Variants in TGFA observed in about 807,000 individuals in gnomAD.
TGFA encodes protransforming growth factor alpha.
A neutral mutation model predicts 21.7 loss-of-function variants in TGFA; 12 were observed. That is an observed-to-expected ratio of 0.55 (90% CI 0.35 to 0.90). The LOEUF (loss-of-function observed/expected upper bound fraction) is 0.90, where lower values mean the gene tolerates loss of function less well. TGFA is among the 40% of genes least tolerant of loss of function. The pLI, the probability that TGFA is intolerant of heterozygous loss-of-function variation, is 0.01. For missense variants in TGFA, 178 were observed against 210.8 expected (o/e 0.84, Z 0.96); for synonymous variants, 79 against 88.1 (o/e 0.90, Z 0.58).
chr2:70,514,203 A>G (rs893235697), intron 2 of TGFA, among the ~76,000 whole-genome samples: 1 of 152,152 alleles, frequency 6.6e-6, no homozygotes, highest in African/African-American at 2.4e-5. Context: ...CACAGCCCCA[A>G]CATTTGAGCT....
chr2:70,512,699 G>T (rs1331283354), intron 2 of TGFA, among the ~76,000 whole-genome samples: 3 of 152,214 alleles, frequency 2.0e-5, no homozygotes, highest in African/African-American at 7.2e-5. Flanking sequence ...AACCCCAAAA[G>T]GCCTAGGCAG....
intron 2 of TGFA, among the ~76,000 whole-genome samples, chr2:70,488,640 G>A (rs181109027): frequency 2.0e-5 from 3 of 151,970 alleles, no homozygotes; most frequent in African/African-American, 7.2e-5. Context: ...TCATTTTTTT[G>A]AAAACACTTT....
intron 2 of TGFA, among the ~76,000 whole-genome samples, chr2:70,503,435 G>A (rs1361540988): frequency 7.4e-6 from 1 of 135,530 alleles, no homozygotes; most frequent in African/African-American, 2.7e-5. Flanking sequence ...GAGGTGGGGG[G>A]AGGGGGGAGG....
chr2:70,520,960 C>T (rs537388870), intron 1 of TGFA, among the ~76,000 whole-genome samples: 3 of 152,216 alleles, frequency 2.0e-5, no homozygotes, highest in Non-Finnish European at 2.9e-5. Context: ...AAGCCAAGCC[C>T]TCCTACACAC....
At chr2:70,521,619 T>TCTG (rs1559133530) in intron 1 of TGFA, among the ~76,000 whole-genome samples, 1 of 127,700 alleles carries the variant, frequency 7.8e-6, no homozygotes, top group African/African-American at 3.0e-5. Context: ...GTTTGTTTGT[T>TCTG]TTTTTTTTTT....
At position 70,504,346 on chromosome 2, in the gene TGFA, G is replaced by T. The variant is rs182756183; in HGVS notation, c.94+10513C>A. The stretch of plus-strand genomic sequence containing the variant: ...GATTACTTGAGCCCAGGAGGTGGAA[G>T]TTGCAGTGAGCTGAGATAGCGTCAC... On this transcript the variant is annotated intron_variant, in intron 2 of 5. Transcript: ENST00000295400. 6.6e-5 allele frequency among the ~76,000 whole-genome samples: 10 copies of T among 150,634 alleles called. No individual in the cohort carries two copies. In the East Asian group the frequency reaches 2.0e-3, roughly 30 times the overall value.
intron 2 of TGFA, among the ~76,000 whole-genome samples, chr2:70,470,539 T>A (rs1288922165): frequency 1.3e-5 from 2 of 152,240 alleles, no homozygotes; most frequent in Non-Finnish European, 2.9e-5. Context: ...TGTGCTGTGG[T>A]GGATGACATC....
intron 1 of TGFA, among the ~76,000 whole-genome samples, chr2:70,542,954 T>G (rs1200305904): frequency 2.0e-5 from 3 of 151,182 alleles, no homozygotes; most frequent in Non-Finnish European, 4.4e-5. Flanking sequence ...AATACAAAAA[T>G]TAGCCGGGCG....
At position 70,521,613 on chromosome 2, in the gene TGFA, G is replaced by GTTTTTTTTTTTTTTTTTTTTTTTTTTT. The variant is rs59567780; in HGVS notation, c.41-6702_41-6701insAAAAAAAAAAAAAAAAAAAAAAAAAAA. 3.0e-4 allele frequency among the ~76,000 whole-genome samples: 22 copies of GTTTTTTTTTTTTTTTTTTTTTTTTTTT among 74,070 alleles called. 1 individual carries two copies. Among genetic ancestry groups the GTTTTTTTTTTTTTTTTTTTTTTTTTTT allele is most frequent in the Admixed American group, 3.8e-4 (2 of 5,256 alleles). The allele number at this position is 74,070 out of a possible 152,430, so 48.6% of individuals were successfully genotyped here. A position where few individuals can be genotyped will look rare whatever the true frequency, so the allele number is the denominator to read the frequency against. On this transcript the variant is annotated intron_variant, in intron 1 of 5. Coordinates refer to ENST00000295400, the MANE Select transcript of TGFA (RefSeq NM_003236.4). The stretch of plus-strand genomic sequence containing the variant: ...TTGATAGTTTTTTTTGTTGTTGTTT[G>GTTTTTTTTTTTTTTTTTTTTTTTTTTT]TTTGTTTTTTTTTTTTTTTTTTTTT...
intron 2 of TGFA, among the ~76,000 whole-genome samples, chr2:70,489,841 G>T (rs1212365421): frequency 6.6e-6 from 1 of 152,206 alleles, no homozygotes; most frequent in Non-Finnish European, 1.5e-5. Flanking sequence ...TCACCCCTGA[G>T]CCACTGAATC....
chr2:70,529,788 C>T (rs1672762971), intron 1 of TGFA, among the ~76,000 whole-genome samples: 1 of 152,182 alleles, frequency 6.6e-6, no homozygotes. Flanking sequence ...ACAGAAGAGA[C>T]ACTCAGGGTC....
chr2:70,471,019 A>G (rs1224760317), intron 2 of TGFA, among the ~76,000 whole-genome samples: 2 of 152,092 alleles, frequency 1.3e-5, no homozygotes, highest in African/African-American at 4.8e-5. Flanking sequence ...GTAATCCACT[A>G]TGTAGAGAGA....
chr2:70,472,701 C>A (rs1177149958), intron 2 of TGFA, among the ~76,000 whole-genome samples: 1 of 152,214 alleles, frequency 6.6e-6, no homozygotes, highest in African/African-American at 2.4e-5. Flanking sequence ...TAAAAGCAGC[C>A]CTAATTGGAC....
At chr2:70,498,932 G>A (rs556763303) in intron 2 of TGFA, among the ~76,000 whole-genome samples, 2 of 152,168 alleles carry the variant, frequency 1.3e-5, no homozygotes, top group Admixed American at 1.3e-4. Context: ...CTCTGGGGGA[G>A]GTTTTAAAAA....
At chr2:70,485,322 C>T (rs1464897698) in intron 2 of TGFA, among the ~76,000 whole-genome samples, 1 of 152,158 alleles carries the variant, frequency 6.6e-6, no homozygotes, top group Non-Finnish European at 1.5e-5. Flanking sequence ...ACTGCAACCC[C>T]CGCCTCCTGG....
chr2:70,517,068 T>TGCAATGGG (rs1323524262), intron 1 of TGFA, among the ~76,000 whole-genome samples: 1 of 152,222 alleles, frequency 6.6e-6, no homozygotes, highest in African/African-American at 2.4e-5. Flanking sequence ...GATGAGGGTG[T>TGCAATGGG]GCAATGGGGG....
intron 2 of TGFA, among the ~76,000 whole-genome samples, chr2:70,494,373 C>A (rs1468351715): frequency 6.6e-6 from 1 of 152,228 alleles, no homozygotes; most frequent in Non-Finnish European, 1.5e-5. Flanking sequence ...ATTCAGCCTT[C>A]TGCACCAAAT....
intron 1 of TGFA, among the ~76,000 whole-genome samples, chr2:70,519,966 G>A (rs1672398001): frequency 6.6e-6 from 1 of 152,196 alleles, no homozygotes; most frequent in Non-Finnish European, 1.5e-5. Context: ...GCTCTATTAT[G>A]TACCCTTGCT....
At chr2:70,485,364 A>G (rs28446582) in intron 2 of TGFA, among the ~76,000 whole-genome samples, 13,749 of 151,956 alleles carry the variant, frequency 0.09, 719 homozygotes, top group Non-Finnish European at 0.11. Flanking sequence ...CAGCCTCCCG[A>G]GTAGCTGGGA....
Sources: allele counts gnomAD v4.1 joint callset (sites outside exome capture counted in the v4.1 genomes callset), GRCh38; gene constraint gnomAD v4.1.1; transcripts MANE v1.5; gene names NCBI Gene and HGNC (gene_info 2026-07-23, HGNC 2026-07-21).